Variants in WASHC2C observed in about 807,000 individuals in gnomAD.
WASHC2C encodes the protein Vaccinia Penetration Factor.
Under a neutral mutation model 142.2 loss-of-function variants are expected in WASHC2C, and 73 were observed. The ratio of observed to expected loss-of-function variants is 0.51; its 90% CI spans 0.43 to 0.62. The LOEUF (loss-of-function observed/expected upper bound fraction) is 0.62. Ranked by LOEUF, WASHC2C falls within the 20% of genes least tolerant of loss-of-function variation. WASHC2C has a pLI of 0.00. For missense variants in WASHC2C, 969 were observed against 1,531.7 expected (o/e 0.63, Z 6.13); for synonymous variants, 337 against 565.5 (o/e 0.60, Z 5.73).
intron 20 of WASHC2C, among the ~76,000 whole-genome samples, chr10:45,770,862 C>G (rs1259303737): frequency 6.6e-6 from 1 of 152,198 alleles, no homozygotes; most frequent in Non-Finnish European, 1.5e-5. Context: ...AACAGCATTT[C>G]TCTCATCGGT....
At chr10:45,748,104 C>G (rs2134481758) in intron 8 of WASHC2C, among the ~76,000 whole-genome samples, 1 of 126,098 alleles carries the variant, frequency 7.9e-6, no homozygotes, top group African/African-American at 3.1e-5. Context: ...ATTTTTTTCA[C>G]AAAAATGTTT....
Position 45,727,474 on chromosome 10 carries a change from C to G in WASHC2C, c.61C>G (p.Arg21Gly). ...GCCGGCGTCGGAGCCCGTGTGGGAGCGGCCGTGGTCGGTGGAGGAGATCCG... is the reference window on the plus strand; with the variant it reads ...GCCGGCGTCGGAGCCCGTGTGGGAGGGGCCGTGGTCGGTGGAGGAGATCCG... ...LVPASEPVWE[R>G]PWSVEEIRRS... Residue 21 changes from arginine to glycine, a missense_variant, in exon 2 of 31, where the codon CGG (arginine) becomes GGG (glycine). Arg to Gly is a moderately radical substitution (Grantham distance 125, BLOSUM62 -2). Coordinates refer to ENST00000623400, the MANE Select transcript of WASHC2C (RefSeq NM_001330074.2). 1 of 1,608,882 alleles carries G rather than the reference C, an allele frequency of 6.2e-7. No individual in the cohort carries two copies. The highest frequency in any genetic ancestry group is 8.5e-7 in the Non-Finnish European group (1 of 1,178,742).
In WASHC2C at chr10:45,740,545, G is replaced by A. The variant is rs150432439; in HGVS notation, c.528+299G>A. On this transcript the variant is annotated intron_variant, in intron 5 of 30. Coordinates refer to ENST00000623400, the MANE Select transcript of WASHC2C (RefSeq NM_001330074.2). Reference sequence around the variant, plus strand: ...ATACATACGAATAACCATTGTAAATGCCCTGAGAGAGAATTGATTTCCAGC... The same window carrying A: ...ATACATACGAATAACCATTGTAAATACCCTGAGAGAGAATTGATTTCCAGC... Among the ~76,000 whole-genome samples, 1,304 of 152,346 alleles carry A rather than the reference G, an allele frequency of 8.6e-3. 4 individuals carry two copies. Among genetic ancestry groups the A allele is most frequent in the African/African-American group, 0.029 (1,220 of 41,580 alleles).
At chr10:45,730,288 G>A (rs1325876890) in intron 3 of WASHC2C, among the ~76,000 whole-genome samples, 1 of 138,780 alleles carries the variant, frequency 7.2e-6, no homozygotes, top group Non-Finnish European at 1.6e-5. Context: ...CGGAGGTTGC[G>A]GTGAGCCGAG....
At chr10:45,791,742 T>G (rs1212297988) in intron 30 of WASHC2C, among the ~76,000 whole-genome samples, 3 of 145,970 alleles carry the variant, frequency 2.1e-5, no homozygotes, top group African/African-American at 7.5e-5. Context: ...TACTGGGTAA[T>G]TACCATAATT....
At position 45,778,951 on chromosome 10, in the gene WASHC2C, AG is replaced by A; in HGVS notation, c.2296del. 7.3e-7 allele frequency: 1 copy of A among 1,376,278 alleles called. No individual in the cohort carries two copies. The highest frequency in any genetic ancestry group is 1.0e-6 in the Non-Finnish European group (1 of 989,388). The allele number at this position is 1,376,278 out of a possible 1,614,324, so 85.3% of individuals were successfully genotyped here. A position where few individuals can be genotyped will look rare whatever the true frequency, so the allele number is the denominator to read the frequency against. On this transcript the variant is annotated splice_acceptor_variant, in intron 22 of 30. Coordinates refer to ENST00000623400, the MANE Select transcript of WASHC2C (RefSeq NM_001330074.2). LOFTEE classifies it high-confidence loss of function. ...TTTTCCCCCTATTATTTTCATTTTCAGGAAGGACTTTTGACTAGATCTGCTC... is the reference window on the plus strand; with the variant it reads ...TTTTCCCCCTATTATTTTCATTTTCAGAAGGACTTTTGACTAGATCTGCTC...
intron 21 of WASHC2C, among the ~76,000 whole-genome samples, chr10:45,773,983 A>G (rs1186113140): frequency 1.4e-5 from 2 of 146,450 alleles, no homozygotes; most frequent in East Asian, 4.0e-4. Context: ...ATGCCTGGAA[A>G]CCGGCCTGAA....
intron 5 of WASHC2C, among the ~76,000 whole-genome samples, chr10:45,740,507 G>A (rs1554867269): frequency 6.6e-6 from 1 of 152,204 alleles, no homozygotes; most frequent in African/African-American, 2.4e-5. Context: ...CAGTCTGGTG[G>A]GAGAGAGGAG....
chr10:45,743,281 C>G, intron 5 of WASHC2C, 109 bp from the exon 6 acceptor site: 2 of 1,566,872 alleles, frequency 1.3e-6, no homozygotes, highest in South Asian at 1.1e-5. Flanking sequence ...TCTCCACCTT[C>G]GTTATGTAGC....
chr10:45,728,069 C>G (rs1483558381), intron 2 of WASHC2C, among the ~76,000 whole-genome samples: 1 of 152,290 alleles, frequency 6.6e-6, no homozygotes, highest in Non-Finnish European at 1.5e-5. Flanking sequence ...TGCCCTGTCG[C>G]CCAGGCTGGA....
Position 45,789,012 on chromosome 10 carries a change from A to G in WASHC2C, c.3229A>G (p.Asn1077Asp). The G allele has an allele frequency of 6.2e-7, 1 of 1,612,010 alleles. No homozygotes were observed. Among genetic ancestry groups the G allele is most frequent in the Non-Finnish European group, 8.5e-7 (1 of 1,179,840 alleles). ...AQWADGAISP[N>D]GHRPQLRAAS... ...GTGGGCTGATGGCGCCATTTCCCCA[A>G]ATGGCCATCGGCCACAGCTCAGAGC... is the stretch of plus-strand genomic sequence containing the variant. Residue 1077 changes from asparagine to aspartate, a missense_variant, in exon 29 of 31, where the codon AAT becomes GAT. By Grantham distance (23) the Asn-to-Asp change is conservative. Coordinates refer to ENST00000623400, the MANE Select transcript of WASHC2C (RefSeq NM_001330074.2).
chr10:45,736,712 T>C (rs1271063485), intron 3 of WASHC2C, among the ~76,000 whole-genome samples: 2 of 152,176 alleles, frequency 1.3e-5, no homozygotes, highest in African/African-American at 4.8e-5. Flanking sequence ...CAGGCTTAAA[T>C]TGGGTATTCC....
chr10:45,746,495 C>G, intron 7 of WASHC2C, 105 bp from the exon 8 acceptor site: 7 of 1,339,614 alleles, frequency 5.2e-6, no homozygotes, highest in Non-Finnish European at 6.4e-6. Context: ...AGCTTTTTCT[C>G]CACTTGACAT....
intron 3 of WASHC2C, among the ~76,000 whole-genome samples, chr10:45,735,239 A>AT (rs1216823612): frequency 1.3e-5 from 2 of 151,046 alleles, no homozygotes; most frequent in Non-Finnish European, 2.9e-5. Context: ...TTATTTATTT[A>AT]TTTTTTTGAA....
intron 3 of WASHC2C, among the ~76,000 whole-genome samples, chr10:45,734,980 A>G (rs1258196972): frequency 1.3e-5 from 2 of 151,974 alleles, no homozygotes; most frequent in Non-Finnish European, 2.9e-5. Context: ...TTCATTGACT[A>G]TTATGTATGA....
chr10:45,748,312 CAG>C (rs2053108486), intron 8 of WASHC2C, among the ~76,000 whole-genome samples: 1 of 91,246 alleles, frequency 1.1e-5, no homozygotes, highest in Non-Finnish European at 2.0e-5. Flanking sequence ...TTTTTTGAGA[CAG>C]AGTCTCTCTC....
intron 8 of WASHC2C, among the ~76,000 whole-genome samples, chr10:45,748,924 T>C (rs2053190012): frequency 6.6e-6 from 1 of 152,206 alleles, no homozygotes; most frequent in South Asian, 2.1e-4. Context: ...TCTTTGCTTT[T>C]ATAAACACAT....
chr10:45,751,661 T>G, intron 11 of WASHC2C, 108 bp downstream of exon 11: 1 of 1,288,600 alleles, frequency 7.8e-7, no homozygotes, highest in Admixed American at 2.2e-5. Flanking sequence ...CTCTGACAAA[T>G]GGGTCTGTCT....
chr10:45,763,999 G>A (rs1554881199), intron 18 of WASHC2C, among the ~76,000 whole-genome samples: 1 of 152,108 alleles, frequency 6.6e-6, no homozygotes, highest in Non-Finnish European at 1.5e-5. Context: ...ACCGTGCCTG[G>A]CTTCTTGACA....
Sources: allele counts gnomAD v4.1 joint callset (sites outside exome capture counted in the v4.1 genomes callset), GRCh38; gene constraint gnomAD v4.1.1; transcripts MANE v1.5; gene names NCBI Gene and HGNC (gene_info 2026-07-23, HGNC 2026-07-21).